TTBK2: variants seen among roughly 807,000 people sequenced by gnomAD.
TTBK2 encodes tau-tubulin kinase 2.
A neutral mutation model predicts 110.8 loss-of-function variants in TTBK2; 28 were observed. That is an observed-to-expected ratio of 0.25 (90% CI 0.19 to 0.35). The LOEUF (loss-of-function observed/expected upper bound fraction) is 0.35. Among genes scored for constraint, TTBK2 ranks in the 10% least tolerant of loss-of-function variants. TTBK2 has a pLI of 1.00. For synonymous variants in TTBK2, 532 were observed against 527.3 expected (o/e 1.01, Z -0.12); for missense variants, 1,369 against 1,500.3 (o/e 0.91, Z 1.45).
At chr15:42,848,585 G>A (rs1035483821) in intron 3 of TTBK2, among the ~76,000 whole-genome samples, 1 of 151,906 alleles carries the variant, frequency 6.6e-6, no homozygotes, top group Non-Finnish European at 1.5e-5. Flanking sequence ...CCACCTCCCG[G>A]GTTAAAGCGA....
rs1372346553 is a variant in TTBK2 at position 42,840,458 on chromosome 15, A to G, written c.218-25T>C. 4.4e-6 allele frequency: 7 copies of G among 1,582,092 alleles called. No individual in the cohort carries two copies. In the Admixed American group the frequency reaches 1.2e-4, roughly 26 times the overall value. On this transcript the variant is annotated intron_variant, in intron 3 of 14. Coordinates refer to ENST00000267890, the MANE Select transcript of TTBK2 (RefSeq NM_173500.4). Reference sequence around the variant, plus strand: ...CCTGGATAAAAAAAGAAAACAGTGGAAAAGAATATACTATGGTTTCTCTTA... The same window carrying G: ...CCTGGATAAAAAAAGAAAACAGTGGGAAAGAATATACTATGGTTTCTCTTA...
intron 9 of TTBK2, chr15:42,801,184 T>C (rs532261606): frequency 7.5e-7 from 1 of 1,341,712 alleles, no homozygotes; most frequent in Non-Finnish European, 1.0e-6. Flanking sequence ...TTCATATGGA[T>C]ACTCATGTTC....
intron 1 of TTBK2, among the ~76,000 whole-genome samples, chr15:42,900,617 G>T (rs1442896055): frequency 6.6e-6 from 1 of 151,926 alleles, no homozygotes; most frequent in Admixed American, 6.6e-5. Flanking sequence ...AGCTACTCGG[G>T]AGACTGAGTC....
intron 13 of TTBK2, among the ~76,000 whole-genome samples, chr15:42,770,424 A>G (rs1054871397): frequency 6.6e-6 from 1 of 152,158 alleles, no homozygotes; most frequent in Non-Finnish European, 1.5e-5. Context: ...CCCAACTCAC[A>G]GTAGACACTC....
chr15:42,911,605 T>C (rs1432446263), intron 1 of TTBK2, among the ~76,000 whole-genome samples: 6 of 152,174 alleles, frequency 3.9e-5, no homozygotes, highest in African/African-American at 1.4e-4. Context: ...CCCAGACTCA[T>C]GAGAAGAAAC....
rs199831862 is a variant in TTBK2, at chr15:42,900,727, C to CA, written c.-68+19710dup. ...ACAGAGCCAGACTCCATCCCCCCAC[C>CA]AAAAAAAAACAGTAGTTATTTCTAT... On this transcript the variant is annotated intron_variant, in intron 1 of 14. Coordinates refer to ENST00000267890, the MANE Select transcript of TTBK2 (RefSeq NM_173500.4). Among the ~76,000 whole-genome samples, 272 of 148,654 alleles carry CA rather than the reference C, an allele frequency of 1.8e-3. 1 individual carries two copies. The Middle Eastern group carries it at 0.027, about 15-fold the overall frequency.
intron 14 of TTBK2, among the ~76,000 whole-genome samples, chr15:42,748,404 C>T (rs930182627): frequency 1.3e-5 from 2 of 151,972 alleles, no homozygotes; most frequent in African/African-American, 4.8e-5. Context: ...TTGCAGTGAG[C>T]CGGGATCGCA....
At chr15:42,912,739 T>G (rs899510061) in intron 1 of TTBK2, among the ~76,000 whole-genome samples, 1 of 152,108 alleles carries the variant, frequency 6.6e-6, no homozygotes, top group African/African-American at 2.4e-5. Flanking sequence ...AGTATCTAAA[T>G]TGTTACATTT....
intron 1 of TTBK2, among the ~76,000 whole-genome samples, chr15:42,907,684 T>C (rs1232830579): frequency 6.6e-6 from 1 of 151,302 alleles, no homozygotes; most frequent in Admixed American, 6.6e-5. Context: ...GGGGAAGAAA[T>C]GGGAAAAAAA....
intron 3 of TTBK2, among the ~76,000 whole-genome samples, chr15:42,864,584 C>CAA (rs796529603): frequency 1.4e-5 from 2 of 147,042 alleles, no homozygotes; most frequent in African/African-American, 5.0e-5. Context: ...AACTCCATCT[C>CAA]AAAAAAAAAG....
At chr15:42,872,474 T>A in intron 3 of TTBK2, 137 bp downstream of exon 3, 2 of 970,056 alleles carry the variant, frequency 2.1e-6, no homozygotes, top group Non-Finnish European at 3.1e-6. Flanking sequence ...AAGAGAAAAA[T>A]GCTCAGCGTA....
At chr15:42,784,340 C>T (rs1419861175) in intron 10 of TTBK2, among the ~76,000 whole-genome samples, 1 of 152,040 alleles carries the variant, frequency 6.6e-6, no homozygotes, top group African/African-American at 2.4e-5. Context: ...TGCAGTGACG[C>T]GATCTCGGCT....
chr15:42,812,637 A>T (rs1468169312), intron 7 of TTBK2, among the ~76,000 whole-genome samples: 1 of 152,174 alleles, frequency 6.6e-6, no homozygotes, highest in African/African-American at 2.4e-5. Flanking sequence ...AGCTAATGTC[A>T]AAAGAAGCTA....
In TTBK2 at chr15:42,752,533, T is replaced by C. The variant is rs755069708; in HGVS notation, c.2713A>G (p.Lys905Glu). Residue 905 changes from lysine (K) to glutamate (E), a missense_variant, in exon 14 of 15, where the codon AAG becomes GAG. Around this residue, in one of 4 missense-constraint regions of TTBK2, gnomAD observed 1,097 missense variants for 1,114.7 expected, o/e 0.98. Transcript: ENST00000267890. ...TTTCTAGGGGTGATTTTCTCTCTCT[T>C]GCCCTCTTGGTGCAAAAAAGTAGAG... ...DLSTFLHQEGKREKITPRNGE... is the reference protein window; with the variant it reads ...DLSTFLHQEGEREKITPRNGE... 1 of 1,614,190 alleles carries C rather than the reference T, an allele frequency of 6.2e-7. No individual in the cohort carries two copies. The highest frequency in any genetic ancestry group is 1.1e-5 in the South Asian group (1 of 91,074).
chr15:42,773,438 GTAAAGAAA>G (rs1889764139), intron 13 of TTBK2, among the ~76,000 whole-genome samples: 1 of 71,180 alleles, frequency 1.4e-5, no homozygotes, highest in Non-Finnish European at 3.0e-5. Context: ...CTGTGTCTCA[GTAAAGAAA>G]GAAAGAAAGA....
In TTBK2 at chr15:42,743,650, A is replaced by G. The variant is rs2061762810; in HGVS notation, c.*2145T>C. The G allele has an allele frequency of 6.6e-6, 1 of 152,250 alleles. No individual in the cohort carries two copies. The highest frequency in any genetic ancestry group is 1.5e-5 in the Non-Finnish European group (1 of 68,042). The allele number at this position is 152,250 out of a possible 1,614,324, so 9.4% of individuals were successfully genotyped here. Reference sequence around the variant, plus strand: ...ATCCCAGTTTATCCACTCTAACTATAAGGAGAGAACTATGTGATTAACATG... The same window carrying G: ...ATCCCAGTTTATCCACTCTAACTATGAGGAGAGAACTATGTGATTAACATG... On this transcript the variant is annotated 3_prime_UTR_variant, in exon 15 of 15. Transcript: ENST00000267890.
intron 9 of TTBK2, chr15:42,801,800 T>G: frequency 2.4e-6 from 2 of 828,776 alleles, no homozygotes; most frequent in Middle Eastern, 2.2e-4. Context: ...ATCTTGTTCA[T>G]GTAAGCTTCA....
chr15:42,896,604 T>C (rs997969308), intron 1 of TTBK2, among the ~76,000 whole-genome samples: 2 of 151,826 alleles, frequency 1.3e-5, no homozygotes, highest in Non-Finnish European at 1.5e-5. Context: ...CTAAGCAACA[T>C]AGCAAGACCC....
chr15:42,851,864 G>C (rs1893729444), intron 3 of TTBK2, among the ~76,000 whole-genome samples: 2 of 152,040 alleles, frequency 1.3e-5, no homozygotes, highest in South Asian at 2.1e-4. Context: ...TGATTTTCAA[G>C]TTTCTTATTG....
Sources: gnomAD v4.1 joint callset for allele counts (sites outside exome capture counted in the v4.1 genomes callset) on GRCh38, gnomAD v4.1.1 for gene constraint, gnomAD v4.1.1 regional missense constraint, MANE v1.5 for transcripts, NCBI Gene and HGNC (gene_info 2026-07-23, HGNC 2026-07-21) for gene names.